SLC35F1: variants seen among roughly 807,000 people sequenced by gnomAD.
The protein encoded by SLC35F1 is chromosome 6 open reading frame 169.
SLC35F1 carries 14 observed loss-of-function variants against 48.7 expected under a neutral mutation model. That is an observed-to-expected ratio of 0.29 (90% confidence interval 0.19 to 0.45). The LOEUF (loss-of-function observed/expected upper bound fraction) is 0.45. Among genes scored for constraint, SLC35F1 ranks in the 20% least tolerant of loss-of-function variants. SLC35F1 has a pLI of 1.00. For synonymous variants in SLC35F1, 190 were observed against 202.2 expected (o/e 0.94, Z 0.51); for missense variants, 404 against 500.0 (o/e 0.81, Z 1.83).
intron 1 of SLC35F1, among the ~76,000 whole-genome samples, chr6:117,968,482 CT>C (rs1411735459): frequency 6.6e-6 from 1 of 152,124 alleles, no homozygotes; most frequent in Non-Finnish European, 1.5e-5. Context: ...GAGGTAAAAC[CT>C]TGCTTCAAAG....
chr6:118,159,064 C>CA (rs1319629287), intron 2 of SLC35F1, among the ~76,000 whole-genome samples: 2 of 150,682 alleles, frequency 1.3e-5, no homozygotes, highest in Admixed American at 6.6e-5. Flanking sequence ...ACTAAAAATA[C>CA]AAAAAAATTA....
At chr6:118,154,037 A>T (rs1260299999) in intron 1 of SLC35F1, among the ~76,000 whole-genome samples, 1 of 152,164 alleles carries the variant, frequency 6.6e-6, no homozygotes, top group Non-Finnish European at 1.5e-5. Flanking sequence ...CCTCCTAGTC[A>T]GTGTTCAGGT....
At chr6:117,944,270 A>C (rs952143819) in intron 1 of SLC35F1, among the ~76,000 whole-genome samples, 1 of 152,164 alleles carries the variant, frequency 6.6e-6, no homozygotes, top group African/African-American at 2.4e-5. Flanking sequence ...ATCTGTATAC[A>C]TCACTGGCAG....
At chr6:117,959,252 G>A (rs958478887) in intron 1 of SLC35F1, among the ~76,000 whole-genome samples, 1 of 152,202 alleles carries the variant, frequency 6.6e-6, no homozygotes, top group African/African-American at 2.4e-5. Flanking sequence ...TCCCTTAAAT[G>A]GGTATAGTAG....
Position 118,011,153 on chromosome 6 carries a change from T to G in SLC35F1, c.173+103254T>G, listed in dbSNP as rs143808810. Among the ~76,000 whole-genome samples the G allele has an allele frequency of 8.1e-3, 1,237 of 152,306 alleles. 15 individuals carry two copies. The highest frequency in any genetic ancestry group is 0.014 in the Middle Eastern group (4 of 294). ...TGGGGGAATGGTCTTGGGATGAAAC[T>G]GTTCCACCTTAGATCATCAGACATT... On this transcript the variant is annotated intron_variant, in intron 1 of 7. Coordinates refer to ENST00000360388, the MANE Select transcript of SLC35F1 (RefSeq NM_001029858.4).
At chr6:118,156,550 G>C (rs1024678371) in intron 2 of SLC35F1, among the ~76,000 whole-genome samples, 5 of 152,080 alleles carry the variant, frequency 3.3e-5, no homozygotes, top group African/African-American at 1.2e-4. Flanking sequence ...GGGAGGGATA[G>C]CATTAGGGAA....
chr6:118,060,217 A>G (rs1190949147), intron 1 of SLC35F1, among the ~76,000 whole-genome samples: 1 of 152,170 alleles, frequency 6.6e-6, no homozygotes, highest in African/African-American at 2.4e-5. Flanking sequence ...TAGATGCCAA[A>G]TACAAAGTGC....
intron 1 of SLC35F1, among the ~76,000 whole-genome samples, chr6:118,017,257 G>A (rs917813029): frequency 6.6e-6 from 1 of 152,202 alleles, no homozygotes; most frequent in African/African-American, 2.4e-5. Flanking sequence ...CTGCAAGCGG[G>A]CTGTGACCTG....
At chr6:118,099,085 G>A (rs1333644739) in intron 1 of SLC35F1, among the ~76,000 whole-genome samples, 1 of 152,220 alleles carries the variant, frequency 6.6e-6, no homozygotes, top group African/African-American at 2.4e-5. Flanking sequence ...TCTTGCTCAT[G>A]GGATAGATCC....
intron 1 of SLC35F1, among the ~76,000 whole-genome samples, chr6:118,001,295 A>G (rs547849212): frequency 1.3e-5 from 2 of 152,144 alleles, no homozygotes; most frequent in Non-Finnish European, 2.9e-5. Context: ...AAATAACGCC[A>G]CATATCTACA....
chr6:117,982,917 C>T (rs898942482), intron 1 of SLC35F1, among the ~76,000 whole-genome samples: 7 of 152,054 alleles, frequency 4.6e-5, no homozygotes, highest in Admixed American at 1.3e-4. Context: ...TGGGCCATTA[C>T]CCAGGAGACT....
intron 1 of SLC35F1, among the ~76,000 whole-genome samples, chr6:118,029,658 G>A (rs139412200): frequency 6.6e-6 from 1 of 152,226 alleles, no homozygotes; most frequent in Non-Finnish European, 1.5e-5. Flanking sequence ...AGGGAAACAT[G>A]GACACTATCT....
At chr6:118,181,682 T>C (rs757434778) in intron 2 of SLC35F1, among the ~76,000 whole-genome samples, 13 of 152,002 alleles carry the variant, frequency 8.6e-5, no homozygotes, top group Non-Finnish European at 1.9e-4. Flanking sequence ...ATATTCTAGA[T>C]GTACGATGAT....
chr6:118,190,758 A>G (rs985181875), intron 2 of SLC35F1, among the ~76,000 whole-genome samples: 2 of 152,134 alleles, frequency 1.3e-5, no homozygotes, highest in Admixed American at 6.6e-5. Context: ...CCTTACCCAG[A>G]GCTCCCATAA....
intron 2 of SLC35F1, among the ~76,000 whole-genome samples, chr6:118,231,555 C>T (rs1323038900): frequency 2.0e-5 from 3 of 152,194 alleles, no homozygotes; most frequent in African/African-American, 7.2e-5. Context: ...ATAAAAAAGC[C>T]TTCCTCTTGC....
chr6:118,271,963 ACT>A (rs369774456), intron 4 of SLC35F1, among the ~76,000 whole-genome samples: 1 of 152,144 alleles, frequency 6.6e-6, no homozygotes, highest in African/African-American at 2.4e-5. Context: ...GTTCAGGAAG[ACT>A]CTGTAGTTTT....
At chr6:118,159,450 A>G (rs558518681) in intron 2 of SLC35F1, among the ~76,000 whole-genome samples, 2 of 152,298 alleles carry the variant, frequency 1.3e-5, no homozygotes, top group Non-Finnish European at 2.9e-5. Flanking sequence ...AAAGCCTGAA[A>G]TCCAAACAAC....
chr6:118,307,468 GA>G (rs1272492828), intron 7 of SLC35F1, among the ~76,000 whole-genome samples: 1 of 151,226 alleles, frequency 6.6e-6, no homozygotes, highest in East Asian at 1.9e-4. Flanking sequence ...AGGAAATAAG[GA>G]AAAAAAGAAA....
chr6:117,963,138 G>T (rs1329101074), intron 1 of SLC35F1, among the ~76,000 whole-genome samples: 1 of 152,058 alleles, frequency 6.6e-6, no homozygotes, highest in Non-Finnish European at 1.5e-5. Context: ...CTAAGGTTGT[G>T]GCTTGCAAAA....
Sources: allele counts gnomAD v4.1 joint callset (sites outside exome capture counted in the v4.1 genomes callset), GRCh38; gene constraint gnomAD v4.1.1; transcripts MANE v1.5; gene names NCBI Gene and HGNC (gene_info 2026-07-23, HGNC 2026-07-21).